Variants in SLC25A17 observed in about 807,000 individuals in gnomAD.
The protein encoded by SLC25A17 is solute carrier family 25 member 17, also known as peroxisomal membrane protein PMP34.
Under a neutral mutation model 38.5 loss-of-function variants are expected in SLC25A17, and 26 were observed. That is an observed-to-expected ratio of 0.68 (90% CI 0.50 to 0.94). The LOEUF is 0.94. SLC25A17 is among the 40% of genes least tolerant of loss of function. The probability of loss-of-function intolerance (pLI) is 0.00; values close to 1 mark genes in which losing one functional copy is unlikely to be tolerated. For missense variants in SLC25A17, 333 were observed against 372.7 expected (o/e 0.89, Z 0.88); for synonymous variants, 139 against 136.2 (o/e 1.02, Z -0.14).
intron 1 of SLC25A17, among the ~76,000 whole-genome samples, chr22:40,811,076 G>A (rs1418342791): frequency 6.6e-6 from 1 of 151,818 alleles, no homozygotes; most frequent in Non-Finnish European, 1.5e-5. Flanking sequence ...GACCACAGAC[G>A]TGAGCCACCA....
At chr22:40,816,629 A>G (rs2057643234) in intron 1 of SLC25A17, among the ~76,000 whole-genome samples, 1 of 142,128 alleles carries the variant, frequency 7.0e-6, no homozygotes, top group Non-Finnish European at 1.5e-5. Flanking sequence ...TTTTTTCTTG[A>G]GACGGAGTCT....
intron 4 of SLC25A17, among the ~76,000 whole-genome samples, chr22:40,791,160 G>C (rs1602605096): frequency 1.3e-5 from 2 of 152,206 alleles, no homozygotes; most frequent in African/African-American, 4.8e-5. Flanking sequence ...AGAGGAAATG[G>C]ATCCAAGAGA....
At chr22:40,808,286 G>A (rs979146299) in intron 1 of SLC25A17, among the ~76,000 whole-genome samples, 1 of 152,198 alleles carries the variant, frequency 6.6e-6, no homozygotes, top group African/African-American at 2.4e-5. Flanking sequence ...AGTGTTGGGA[G>A]AATAAGTGAC....
rs971614156 is a variant in SLC25A17 at position 40,789,993 on chromosome 22, C to T, written c.334+2532G>A. 1.3e-5 allele frequency among the ~76,000 whole-genome samples: 2 copies of T among 151,698 alleles called. No individual in the cohort carries two copies. The highest frequency in any genetic ancestry group is 2.1e-4 in the South Asian group (1 of 4,790). On this transcript the variant is annotated intron_variant, in intron 4 of 8. Coordinates refer to ENST00000435456, the MANE Select transcript of SLC25A17 (RefSeq NM_006358.4). This position sits in a 1 kb window ranked among gnomAD's most constrained non-coding sequence, Gnocchi z 4.5. ...ATGATGCTCACAGTCAACACAGACC[C>T]GTAGACTCTCCTATGTGTCAACTGT...
At chr22:40,801,125 T>TTGCATA in intron 1 of SLC25A17, among the ~76,000 whole-genome samples, 1 of 49,548 alleles carries the variant, frequency 2.0e-5, no homozygotes, top group African/African-American at 8.3e-5. Flanking sequence ...AAAAAATATA[T>TTGCATA]TACATATATA....
At chr22:40,801,053 G>A (rs1230383307) in intron 1 of SLC25A17, among the ~76,000 whole-genome samples, 4 of 138,710 alleles carry the variant, frequency 2.9e-5, no homozygotes, top group South Asian at 4.6e-4. Flanking sequence ...GCAGTGAGCC[G>A]CGATCATGCC....
intron 7 of SLC25A17, 143 bp from the exon 8 acceptor site, chr22:40,774,162 A>G (rs960924167): frequency 9.5e-6 from 5 of 524,644 alleles, no homozygotes; most frequent in Non-Finnish European, 1.7e-5. Flanking sequence ...GATTTCATTA[A>G]TCCTGTATTT....
At chr22:40,804,248 G>A (rs1357985363) in intron 1 of SLC25A17, among the ~76,000 whole-genome samples, 1 of 152,130 alleles carries the variant, frequency 6.6e-6, no homozygotes, top group Non-Finnish European at 1.5e-5. Flanking sequence ...AGGAATGGTA[G>A]AGACAATCCA....
chr22:40,793,345 A>AT (rs1425511245), intron 3 of SLC25A17, among the ~76,000 whole-genome samples: 1 of 152,248 alleles, frequency 6.6e-6, no homozygotes, highest in Admixed American at 6.5e-5. Flanking sequence ...AAAAATGTTG[A>AT]TAAAGCACAG....
In SLC25A17 at chr22:40,770,962, G is replaced by A. The variant is rs562948901; in HGVS notation, c.796C>T (p.Leu266Phe). The stretch of plus-strand genomic sequence containing the variant: ...AGTTTGGCTTCAAGGCCTTTGTAGA[G>A]TCCCATTATTCCAAAACGTCTAAAG... ...QRVRRFGIMG[L>F]YKGLEAKLLQ... The change falls in exon 9 of 9, where the codon CTC (leucine) becomes TTC (phenylalanine). Residue 266 changes from leucine to phenylalanine, a missense_variant. By Grantham distance (22) the Leu-to-Phe change is conservative. Transcript: ENST00000435456. The A allele has an allele frequency of 6.3e-7, 1 of 1,597,532 alleles. No individual in the cohort carries two copies. Among genetic ancestry groups the A allele is most frequent in the Admixed American group, 1.7e-5 (1 of 58,060 alleles).
chr22:40,781,918 G>A lies in SLC25A17; in HGVS notation c.335-2793C>T, dbSNP rs1395077996. ...AAATTGTCTGCTTTTTTGTAAGCCC[G>A]TGTAACTCTTCTGCCAGTTCCGGCC... On this transcript the variant is annotated intron_variant, in intron 4 of 8. Transcript: ENST00000435456. 5.9e-5 allele frequency among the ~76,000 whole-genome samples: 9 copies of A among 152,016 alleles called. No individual in the cohort carries two copies. The East Asian group carries it at 7.7e-4, about 13-fold the overall frequency.
At chr22:40,796,260 A>G (rs1246319243) in intron 2 of SLC25A17, among the ~76,000 whole-genome samples, 1 of 152,254 alleles carries the variant, frequency 6.6e-6, no homozygotes, top group Non-Finnish European at 1.5e-5. Flanking sequence ...TTTAGAACAT[A>G]AAATATGCAA....
rs549363803 is a variant in SLC25A17 at position 40,797,853 on chromosome 22, C to T, written c.115+1170G>A. Among the ~76,000 whole-genome samples, 3 of 152,314 alleles carry T rather than the reference C, an allele frequency of 2.0e-5. No individual in the cohort carries two copies. In the East Asian group the frequency reaches 5.8e-4, roughly 29 times the overall value. ...CGGCCAGCCCTTCCTCCGCAGCCAA[C>T]AAATGCACATGGGTTTTTCTTGCTG... On this transcript the variant is annotated intron_variant, in intron 2 of 8. Transcript: ENST00000435456.
At chr22:40,812,093 C>T (rs111582938) in intron 1 of SLC25A17, among the ~76,000 whole-genome samples, 356 of 151,990 alleles carry the variant, frequency 2.3e-3, no homozygotes, top group Non-Finnish European at 4.3e-3. Flanking sequence ...TGAGGTCTCA[C>T]TACATTGCCC....
chr22:40,789,106 TA>T lies in SLC25A17; in HGVS notation c.334+3418del. On this transcript the variant is annotated intron_variant, in intron 4 of 8. Coordinates refer to ENST00000435456, the MANE Select transcript of SLC25A17 (RefSeq NM_006358.4). This position sits in a 1 kb window ranked among gnomAD's most constrained non-coding sequence, Gnocchi z 4.5. Reference sequence around the variant, plus strand: ...ACTTCCAGCACTGGCCCAACCATAATAAATGCCACTGGATATATCGGCTGGC... The same window carrying T: ...ACTTCCAGCACTGGCCCAACCATAATAATGCCACTGGATATATCGGCTGGC... The T allele has an allele frequency of 3.6e-6, 1 of 278,770 alleles. No individual in the cohort carries two copies. Among genetic ancestry groups the T allele is most frequent in the Non-Finnish European group, 7.4e-6 (1 of 135,682 alleles). 17.3% of individuals were successfully genotyped at this position (278,770 alleles called of 1,614,324 possible). A position where few individuals can be genotyped will look rare whatever the true frequency, so the allele number is the denominator to read the frequency against.
chr22:40,779,084 T>G lies in SLC25A17; in HGVS notation c.376A>C (p.Asn126His). The G allele has an allele frequency of 6.2e-7, 1 of 1,614,216 alleles. No homozygotes were observed. Among genetic ancestry groups the G allele is most frequent in the African/African-American group, 1.3e-5 (1 of 75,064 alleles). ...GCTCCTTGAAGCTTCAGTCTGGTGT[T>G]TACCACCCAGAGTGGAGTTGTTAGC... ...VLLTTPLWVVNTRLKLQGAKF... is the reference protein window; with the variant it reads ...VLLTTPLWVVHTRLKLQGAKF... The change falls in exon 5 of 9, where the codon AAC (asparagine) becomes CAC (histidine). Residue 126 changes from asparagine to histidine, a missense_variant. Asn to His is a moderately conservative substitution (Grantham distance 68, BLOSUM62 1). Coordinates refer to ENST00000435456, the MANE Select transcript of SLC25A17 (RefSeq NM_006358.4).
At chr22:40,787,425 A>T (rs1022187315) in intron 4 of SLC25A17, among the ~76,000 whole-genome samples, 11 of 152,226 alleles carry the variant, frequency 7.2e-5, no homozygotes, top group African/African-American at 2.4e-4. Flanking sequence ...GAAGTGGAAG[A>T]GCACAGGCAT....
At chr22:40,785,786 A>G (rs2057332794) in intron 4 of SLC25A17, among the ~76,000 whole-genome samples, 1 of 151,750 alleles carries the variant, frequency 6.6e-6, no homozygotes, top group South Asian at 2.1e-4. Flanking sequence ...AGTGCATGCC[A>G]CCATGCCCTG....
intron 1 of SLC25A17, among the ~76,000 whole-genome samples, chr22:40,801,128 C>CATAT (rs60780380): frequency 0.084 from 8,339 of 99,740 alleles, 496 homozygotes; most frequent in East Asian, 0.15. Context: ...AAATATATTA[C>CATAT]ATATATATAT....
Sources: allele counts gnomAD v4.1 joint callset (sites outside exome capture counted in the v4.1 genomes callset), GRCh38; gene constraint gnomAD v4.1.1; non-coding constraint Gnocchi (gnomAD v3.1); transcripts MANE v1.5; gene names NCBI Gene and HGNC (gene_info 2026-07-23, HGNC 2026-07-21).